Variants in UBE2E2 observed in about 807,000 individuals in gnomAD.
The protein encoded by UBE2E2 is ubiquitin conjugating enzyme E2 E2.
In UBE2E2, 6 loss-of-function variants were observed where a neutral mutation model predicts 24.7. The ratio of observed to expected loss-of-function variants is 0.24; its 90% CI spans 0.13 to 0.48. The LOEUF is 0.48. Ranked by LOEUF, UBE2E2 falls within the 20% of genes least tolerant of loss-of-function variation. The pLI is 0.99. For missense variants in UBE2E2, 169 were observed against 245.0 expected, an observed-to-expected ratio of 0.69 and a Z score of 2.07; for synonymous variants, 104 against 83.6, an observed-to-expected ratio of 1.24 and a Z score of -1.33.
intron 3 of UBE2E2, among the ~76,000 whole-genome samples, chr3:23,260,434 A>G (rs1271113701): frequency 6.6e-6 from 1 of 152,198 alleles, no homozygotes; most frequent in Non-Finnish European, 1.5e-5. Flanking sequence ...AGTTCTTTAA[A>G]CCAATTATGT....
intron 3 of UBE2E2, among the ~76,000 whole-genome samples, chr3:23,308,173 C>T (rs1220023515): frequency 1.3e-5 from 2 of 152,104 alleles, no homozygotes; most frequent in Non-Finnish European, 2.9e-5. Flanking sequence ...GAACAAAATG[C>T]AAAATATTAC....
intron 3 of UBE2E2, among the ~76,000 whole-genome samples, chr3:23,373,227 A>G (rs772234055): frequency 1.3e-5 from 2 of 152,178 alleles, no homozygotes; most frequent in African/African-American, 2.4e-5. Context: ...AGTGGGTTCT[A>G]AGTAAAACAC....
intron 3 of UBE2E2, among the ~76,000 whole-genome samples, chr3:23,420,100 G>C (rs1697759575): frequency 6.6e-6 from 1 of 152,156 alleles, no homozygotes; most frequent in Non-Finnish European, 1.5e-5. Context: ...TGAACAAGTA[G>C]CCCTCATCTA....
chr3:23,572,449 A>G (rs1696250101), intron 5 of UBE2E2, among the ~76,000 whole-genome samples: 2 of 152,164 alleles, frequency 1.3e-5, no homozygotes, highest in Admixed American at 1.3e-4. Context: ...GCGTGTTGCT[A>G]AAGTTTGGGG....
At chr3:23,248,685 A>G (rs1172155885) in intron 3 of UBE2E2, among the ~76,000 whole-genome samples, 1 of 151,648 alleles carries the variant, frequency 6.6e-6, no homozygotes, top group Non-Finnish European at 1.5e-5. Flanking sequence ...CATTCCTTTT[A>G]TTCTGATCAG....
chr3:23,347,393 G>T (rs1247222586), intron 3 of UBE2E2, among the ~76,000 whole-genome samples: 1 of 152,188 alleles, frequency 6.6e-6, no homozygotes, highest in Non-Finnish European at 1.5e-5. Flanking sequence ...ATGAGTTCAT[G>T]TCCTTTGCAG....
intron 3 of UBE2E2, among the ~76,000 whole-genome samples, chr3:23,444,772 G>T (rs1043361313): frequency 5.3e-5 from 8 of 152,142 alleles, no homozygotes; most frequent in African/African-American, 1.9e-4. Flanking sequence ...TAAAGCAAAT[G>T]GATTCTAAGG....
At chr3:23,297,228 G>C (rs1698937805) in intron 3 of UBE2E2, among the ~76,000 whole-genome samples, 2 of 151,864 alleles carry the variant, frequency 1.3e-5, no homozygotes, top group South Asian at 2.1e-4. Context: ...CAGATGAGTA[G>C]GTTGCAAAAA....
chr3:23,260,806 G>C (rs921271203), intron 3 of UBE2E2, among the ~76,000 whole-genome samples: 1 of 152,162 alleles, frequency 6.6e-6, no homozygotes, highest in Non-Finnish European at 1.5e-5. Context: ...GGGGGTTGGA[G>C]GGAGACAGTA....
At chr3:23,477,836 T>C (rs1443975145) in intron 3 of UBE2E2, among the ~76,000 whole-genome samples, 3 of 152,198 alleles carry the variant, frequency 2.0e-5, no homozygotes, top group African/African-American at 7.2e-5. Context: ...GATTGGATCA[T>C]GGGGGCAGTT....
At chr3:23,400,037 T>G (rs533268503) in intron 3 of UBE2E2, among the ~76,000 whole-genome samples, 2 of 152,266 alleles carry the variant, frequency 1.3e-5, no homozygotes, top group East Asian at 3.9e-4. Context: ...TATCTCTATG[T>G]GAACTATTAC....
At chr3:23,475,453 A>G (rs1478674939) in intron 3 of UBE2E2, among the ~76,000 whole-genome samples, 2 of 151,978 alleles carry the variant, frequency 1.3e-5, no homozygotes, top group African/African-American at 4.8e-5. Flanking sequence ...TACCACCATC[A>G]TCTTATACCT....
At chr3:23,382,178 ATTTTT>A (rs10645761) in intron 3 of UBE2E2, among the ~76,000 whole-genome samples, 2 of 110,810 alleles carry the variant, frequency 1.8e-5, no homozygotes, top group Non-Finnish European at 3.4e-5. Context: ...GAATACTTTA[ATTTTT>A]TTTTTTTTTT....
intron 3 of UBE2E2, among the ~76,000 whole-genome samples, chr3:23,350,046 G>C (rs555038269): frequency 6.6e-6 from 1 of 152,166 alleles, no homozygotes; most frequent in Non-Finnish European, 1.5e-5. Context: ...AACTTCCAAA[G>C]GAACGATCAG....
Position 23,499,676 on chromosome 3 carries a change from A to C in UBE2E2, c.296A>C (p.Tyr99Ser). 1 of 1,614,002 alleles carries C rather than the reference A, an allele frequency of 6.2e-7. No individual in the cohort carries two copies. Reference sequence around the variant, plus strand: ...ATATTGGGACCCCCAGGATCTGTCTATGAAGGAGGGGTGTTCTTTCTTGAC... The same window carrying C: ...ATATTGGGACCCCCAGGATCTGTCTCTGAAGGAGGGGTGTTCTTTCTTGAC... Reference protein sequence around the residue: ...STILGPPGSVYEGGVFFLDIT... With the variant: ...STILGPPGSVSEGGVFFLDIT... The change falls in exon 4 of 6, where the codon TAT (tyrosine) becomes TCT (serine). Residue 99 changes from tyrosine to serine, a missense_variant. Tyr to Ser is a moderately radical substitution (Grantham distance 144). Transcript: ENST00000396703.
intron 3 of UBE2E2, among the ~76,000 whole-genome samples, chr3:23,321,099 A>G (rs1440248485): frequency 1.3e-5 from 2 of 152,144 alleles, no homozygotes; most frequent in South Asian, 4.1e-4. Flanking sequence ...CTGCCTTTGT[A>G]TTTACACAGC....
chr3:23,353,652 T>A (rs1278743920), intron 3 of UBE2E2, among the ~76,000 whole-genome samples: 5 of 151,898 alleles, frequency 3.3e-5, no homozygotes, highest in Admixed American at 6.6e-5. Flanking sequence ...TCAAAGAGAA[T>A]AAAATACCTA....
chr3:23,296,050 T>C (rs1698899490), intron 3 of UBE2E2, among the ~76,000 whole-genome samples: 1 of 152,202 alleles, frequency 6.6e-6, no homozygotes, highest in Non-Finnish European at 1.5e-5. Context: ...AAATAGAAGA[T>C]AGAGATCTAA....
intron 3 of UBE2E2, among the ~76,000 whole-genome samples, chr3:23,425,449 A>G (rs1040952650): frequency 2.6e-5 from 4 of 152,214 alleles, no homozygotes; most frequent in African/African-American, 9.6e-5. Context: ...ACTAGCATGT[A>G]AGGAGCTTAG....
Sources: gnomAD v4.1 joint callset for allele counts (sites outside exome capture counted in the v4.1 genomes callset) on GRCh38, gnomAD v4.1.1 for gene constraint, MANE v1.5 for transcripts, NCBI Gene and HGNC (gene_info 2026-07-23, HGNC 2026-07-21) for gene names.